Variants in ZPLD1 observed in about 807,000 individuals in gnomAD.
ZPLD1 encodes the protein zona pellucida-like domain-containing protein 1.
ZPLD1 carries 34 observed loss-of-function variants against 47.2 expected under a neutral mutation model. That is an observed-to-expected ratio of 0.72 (90% CI 0.55 to 0.96). The LOEUF is 0.96. Ranked by LOEUF, ZPLD1 falls within the 40% of genes least tolerant of loss-of-function variation. The pLI is 0.00. For missense variants in ZPLD1, 512 were observed against 505.8 expected (o/e 1.01, Z -0.12); for synonymous variants, 176 against 186.2 (o/e 0.95, Z 0.45).
chr3:102,424,568 AC>A (rs1304212478), intron 8 of ZPLD1, among the ~76,000 whole-genome samples: 4 of 152,142 alleles, frequency 2.6e-5, no homozygotes, highest in African/African-American at 9.7e-5. Flanking sequence ...ACTTCTGCGA[AC>A]CCAATCAAAA....
intron 6 of ZPLD1, among the ~76,000 whole-genome samples, chr3:102,391,054 CT>C (rs2107284059): frequency 6.6e-6 from 1 of 152,154 alleles, no homozygotes; most frequent in Admixed American, 6.6e-5. Context: ...ACATGCTTTG[CT>C]TTTGGTATGC....
At chr3:102,473,574 C>T (rs929499325) in intron 10 of ZPLD1, among the ~76,000 whole-genome samples, 1 of 152,118 alleles carries the variant, frequency 6.6e-6, no homozygotes, top group Non-Finnish European at 1.5e-5. Context: ...CTCTCATTCT[C>T]TCTCGAATTA....
chr3:102,405,626 C>T (rs1323512087), intron 7 of ZPLD1, among the ~76,000 whole-genome samples: 1 of 152,012 alleles, frequency 6.6e-6, no homozygotes, highest in Non-Finnish European at 1.5e-5. Context: ...ACTGCTTACT[C>T]ATTGTGGTGC....
At chr3:102,438,815 C>T (rs1707130975) in intron 3 of ZPLD1, among the ~76,000 whole-genome samples, 1 of 152,080 alleles carries the variant, frequency 6.6e-6, no homozygotes, top group South Asian at 2.1e-4. Flanking sequence ...TGGCTGCTCA[C>T]AGATATGAAA....
intron 3 of ZPLD1, among the ~76,000 whole-genome samples, chr3:102,442,285 T>C (rs1283451670): frequency 1.3e-5 from 2 of 150,170 alleles, no homozygotes; most frequent in South Asian, 2.1e-4. Flanking sequence ...ACCCAAACTT[T>C]CCAGACATAT....
At chr3:102,423,050 C>CT (rs1459515989) in intron 8 of ZPLD1, among the ~76,000 whole-genome samples, 3 of 152,176 alleles carry the variant, frequency 2.0e-5, no homozygotes, top group South Asian at 2.1e-4. Context: ...AGGATCCCTC[C>CT]TTTTTTCCCT....
chr3:102,454,717 A>C (rs551692985), intron 4 of ZPLD1, among the ~76,000 whole-genome samples: 1 of 152,140 alleles, frequency 6.6e-6, no homozygotes, highest in African/African-American at 2.4e-5. Flanking sequence ...TTAGCTGGGC[A>C]TGGTGGCGTG....
At chr3:102,411,745 A>T (rs1425267462) in intron 7 of ZPLD1, among the ~76,000 whole-genome samples, 1 of 151,838 alleles carries the variant, frequency 6.6e-6, no homozygotes, top group Non-Finnish European at 1.5e-5. Context: ...AATAAAAACT[A>T]AAAATAAAAT....
chr3:102,408,775 T>C lies in ZPLD1; in HGVS notation c.-156-9285T>C, dbSNP rs77804649. On this transcript the variant is annotated intron_variant, in intron 7 of 17. Transcript: ENST00000491959. ...ACACTCTTATACACTAAATCCCCTT[T>C]TCACTGTTTGACGTTTGTCCTTTAA... is the stretch of plus-strand genomic sequence containing the variant. 7.1e-3 allele frequency among the ~76,000 whole-genome samples: 1,077 copies of C among 151,976 alleles called. 11 individuals are homozygous for C. Among genetic ancestry groups the C allele is most frequent in the African/African-American group, 0.025 (1,026 of 41,510 alleles).
At position 102,470,485 on chromosome 3, in the gene ZPLD1, C is replaced by T. The variant is rs767368449; in HGVS notation, c.1025C>T (p.Pro342Leu). The change falls in exon 10 of 12, where the codon CCC (proline) becomes CTC (leucine). Residue 342 changes from proline (P) to leucine (L), a missense_variant. Pro to Leu is a moderately conservative substitution (Grantham distance 98). Coordinates refer to ENST00000466937, the MANE Select transcript of ZPLD1 (RefSeq NM_001329788.2). ...GGCAGCGCGGTGCTCTCTGCTGGTC[C>T]CATCATTACTCGGAGTGGTAAGTGT... ...SSGSAVLSAG[P>L]IITRSDETPT... is the part of the protein sequence containing the mutation. The T allele has an allele frequency of 6.2e-7, 1 of 1,613,676 alleles. No homozygotes were observed. Among genetic ancestry groups the T allele is most frequent in the East Asian group, 2.2e-5 (1 of 44,886 alleles).
chr3:102,411,972 C>T (rs372701589), intron 7 of ZPLD1, among the ~76,000 whole-genome samples: 86 of 151,770 alleles, frequency 5.7e-4, no homozygotes, highest in South Asian at 1.5e-3. Context: ...ATCTGTAGGG[C>T]GGACTGGCAG....
chr3:102,415,140 G>T (rs548276901), intron 7 of ZPLD1, among the ~76,000 whole-genome samples: 4 of 151,912 alleles, frequency 2.6e-5, no homozygotes, highest in African/African-American at 7.2e-5. Context: ...TATGTGGCCT[G>T]AAATCCCATT....
At chr3:102,431,741 T>A (rs1485646112), upstream of ZPLD1, among the ~76,000 whole-genome samples, 1 of 152,150 alleles carries the variant, frequency 6.6e-6, no homozygotes, top group Non-Finnish European at 1.5e-5. Flanking sequence ...AAACCCCGTC[T>A]CTATTCAAAA....
intron 8 of ZPLD1, among the ~76,000 whole-genome samples, chr3:102,425,325 C>A (rs1412194799): frequency 1.3e-5 from 2 of 151,882 alleles, no homozygotes; most frequent in East Asian, 3.9e-4. Flanking sequence ...GAACTTTTAC[C>A]AAAATACTAT....
At chr3:102,401,286 C>G (rs1706617217) in intron 7 of ZPLD1, among the ~76,000 whole-genome samples, 1 of 152,034 alleles carries the variant, frequency 6.6e-6, no homozygotes, top group Non-Finnish European at 1.5e-5. Context: ...GTGTGCATCT[C>G]AAAAGACTGC....
rs906381425 is a variant in ZPLD1, at chr3:102,455,942, C to T, written c.328-251C>T. ...TTTCAAATTACTTATTGTAACCCTT[C>T]GAACCTATAATCTCCTTTCTTTTTT... is the stretch of plus-strand genomic sequence containing the variant. On this transcript the variant is annotated intron_variant, in intron 4 of 11. Transcript: ENST00000466937. 5.3e-5 allele frequency among the ~76,000 whole-genome samples: 8 copies of T among 152,098 alleles called. No individual in the cohort carries two copies. In the East Asian group the frequency reaches 5.8e-4, roughly 11 times the overall value.
intron 4 of ZPLD1, among the ~76,000 whole-genome samples, chr3:102,455,107 C>T (rs1419141914): frequency 6.6e-6 from 1 of 152,128 alleles, no homozygotes; most frequent in Non-Finnish European, 1.5e-5. Context: ...GATTCTTGTC[C>T]CATTTATCAA....
intron 3 of ZPLD1, among the ~76,000 whole-genome samples, chr3:102,452,113 CCGTG>C (rs1208165763): frequency 8.2e-4 from 78 of 94,928 alleles, no homozygotes; most frequent in African/African-American, 3.5e-3. Flanking sequence ...GATATGAAGA[CCGTG>C]TGTGTGTGTG....
At chr3:102,476,669 C>T (rs1707762368) in intron 10 of ZPLD1, among the ~76,000 whole-genome samples, 1 of 152,054 alleles carries the variant, frequency 6.6e-6, no homozygotes, top group Non-Finnish European at 1.5e-5. Flanking sequence ...GATTACTGCC[C>T]CCACCAGCCT....
Sources: allele counts gnomAD v4.1 joint callset (sites outside exome capture counted in the v4.1 genomes callset), GRCh38; gene constraint gnomAD v4.1.1; transcripts MANE v1.5; gene names NCBI Gene and HGNC (gene_info 2026-07-23, HGNC 2026-07-21).